CNTLN: variants seen among roughly 807,000 people sequenced by gnomAD.
The protein encoded by CNTLN is centlein.
A neutral mutation model predicts 180.0 loss-of-function variants in CNTLN; 212 were observed. The observed-to-expected ratio is 1.18, with a 90% confidence interval of 1.05 to 1.32. The LOEUF is 1.32. Ranked by LOEUF, CNTLN falls within the 40% of genes most tolerant of loss-of-function variation. The pLI, the probability that CNTLN is intolerant of heterozygous loss-of-function variation, is 0.00. For missense variants in CNTLN, 2,095 were observed against 1,610.9 expected (o/e 1.30, Z -5.14); for synonymous variants, 722 against 563.1 (o/e 1.28, Z -3.99).
At chr9:17,279,034 A>C (rs1828493698) in intron 6 of CNTLN, among the ~76,000 whole-genome samples, 1 of 147,494 alleles carries the variant, frequency 6.8e-6, no homozygotes, top group Non-Finnish European at 1.5e-5. Context: ...TATAAGGAAC[A>C]CTATCTTTCT....
intron 18 of CNTLN, among the ~76,000 whole-genome samples, chr9:17,426,918 A>G (rs1361753103): frequency 6.6e-6 from 1 of 152,178 alleles, no homozygotes; most frequent in Non-Finnish European, 1.5e-5. Flanking sequence ...CTACACTGAA[A>G]AATTCAGATT....
At chr9:17,290,155 C>G (rs964987340) in intron 6 of CNTLN, among the ~76,000 whole-genome samples, 2 of 152,042 alleles carry the variant, frequency 1.3e-5, no homozygotes, top group East Asian at 1.9e-4. Context: ...TACTTTTGGT[C>G]TTTGATGATG....
intron 2 of CNTLN, among the ~76,000 whole-genome samples, chr9:17,143,821 T>C (rs1488849919): frequency 6.6e-6 from 1 of 152,192 alleles, no homozygotes; most frequent in African/African-American, 2.4e-5. Flanking sequence ...GTAAGTGTTC[T>C]GGAATAGGTT....
At chr9:17,328,930 C>T (rs12553068) in intron 8 of CNTLN, among the ~76,000 whole-genome samples, 43,520 of 151,306 alleles carry the variant, frequency 0.29, 6,626 homozygotes, top group South Asian at 0.52. Flanking sequence ...AAAATGAATC[C>T]ATTATTATAG....
chr9:17,367,731 A>G (rs1344414811), intron 13 of CNTLN, among the ~76,000 whole-genome samples: 5 of 152,138 alleles, frequency 3.3e-5, no homozygotes, highest in African/African-American at 9.7e-5. Context: ...TGACATTTCT[A>G]GACACATCCT....
At chr9:17,366,771 C>A in intron 13 of CNTLN, 54 bp downstream of exon 13, 1 of 994,492 alleles carries the variant, frequency 1.0e-6, no homozygotes, top group Non-Finnish European at 1.5e-6. Context: ...TTGTGTAATT[C>A]TTGATGTTTT....
chr9:17,445,723 TGAAATATGGCCTCGTGGGAAGGGAAA>T (rs1830371483), intron 18 of CNTLN, among the ~76,000 whole-genome samples: 1 of 152,068 alleles, frequency 6.6e-6, no homozygotes, highest in African/African-American at 2.4e-5. Context: ...TGTGATAGTC[TGAAATATGGCCTCGTGGGAAGGGAAA>T]GACCTGACCA....
the CNTLN span, among the ~76,000 whole-genome samples, chr9:17,511,790 T>G: frequency 6.6e-6 from 1 of 151,988 alleles, no homozygotes; most frequent in Non-Finnish European, 1.5e-5. Flanking sequence ...GGTGTTTAGG[T>G]TTGGTGCTCT....
chr9:17,298,608 G>A (rs1818121786), intron 7 of CNTLN: 8 of 1,069,648 alleles, frequency 7.5e-6, no homozygotes, highest in African/African-American at 1.7e-5. Context: ...TTATAAATTG[G>A]CATTCAGACA....
In CNTLN at chr9:17,419,281, A is replaced by G. The variant is rs556908406; in HGVS notation, c.3114+3092A>G. On this transcript the variant is annotated intron_variant, in intron 18 of 25. Coordinates refer to ENST00000380647, the MANE Select transcript of CNTLN (RefSeq NM_017738.4). ...TATCATTGTAAAATATTCTAAACCTATTTTGAAATGCGCTATAGCCCTATA... is the reference window on the plus strand; with the variant it reads ...TATCATTGTAAAATATTCTAAACCTGTTTTGAAATGCGCTATAGCCCTATA... 2.0e-5 allele frequency among the ~76,000 whole-genome samples: 3 copies of G among 152,172 alleles called. No individual in the cohort carries two copies. The South Asian group carries it at 6.2e-4, about 31-fold the overall frequency.
chr9:17,239,437 TTGA>T (rs922397876), intron 5 of CNTLN, among the ~76,000 whole-genome samples: 4 of 145,218 alleles, frequency 2.8e-5, no homozygotes, highest in African/African-American at 1.1e-4. Flanking sequence ...TTTTACTCTT[TTGA>T]TGGTGTTCTT....
At position 17,457,630 on chromosome 9, in the gene CNTLN, T is replaced by C. The variant is rs1831208877; in HGVS notation, c.3221T>C (p.Val1074Ala). 1.3e-6 allele frequency: 2 copies of C among 1,563,690 alleles called. No homozygotes were observed. Among genetic ancestry groups the C allele is most frequent in the Admixed American group, 1.8e-5 (1 of 56,244 alleles). Reference protein sequence around the residue: ...ITSLAEENSQVTFPRIQVTSL... With the variant: ...ITSLAEENSQATFPRIQVTSL... The stretch of plus-strand genomic sequence containing the variant: ...AGTTTGGCAGAAGAAAATTCCCAGG[T>C]AACATTTCCACGGATACAAGTTACA... Residue 1074 changes from valine (V) to alanine (A), a missense_variant, in exon 19 of 26, where the codon GTA (valine) becomes GCA (alanine). Coordinates refer to ENST00000380647, the MANE Select transcript of CNTLN (RefSeq NM_017738.4).
chr9:17,206,403 C>T (rs964761242), intron 2 of CNTLN, among the ~76,000 whole-genome samples: 3 of 152,088 alleles, frequency 2.0e-5, no homozygotes, highest in African/African-American at 7.2e-5. Context: ...GTTGCAAAAT[C>T]GGATGACATT....
intron 19 of CNTLN, 58 bp downstream of exon 19, chr9:17,457,773 A>G (rs887768312): frequency 2.8e-6 from 3 of 1,057,856 alleles, no homozygotes; most frequent in Non-Finnish European, 2.5e-6. Flanking sequence ...CCTGCAAGAC[A>G]TATTTATATG....
chr9:17,506,352 C>T (rs188156342), downstream of CNTLN, among the ~76,000 whole-genome samples: 1 of 152,212 alleles, frequency 6.6e-6, no homozygotes, highest in African/African-American at 2.4e-5. Flanking sequence ...AAATCACTGA[C>T]AAAGGATTCA....
At chr9:17,373,833 T>G (rs1171540794) in intron 13 of CNTLN, among the ~76,000 whole-genome samples, 1 of 152,132 alleles carries the variant, frequency 6.6e-6, no homozygotes, top group African/African-American at 2.4e-5. Flanking sequence ...ATAAACTAAT[T>G]GTTGACAGCG....
chr9:17,318,348 A>G (rs992247828), intron 8 of CNTLN, among the ~76,000 whole-genome samples: 8 of 152,224 alleles, frequency 5.3e-5, no homozygotes, highest in African/African-American at 1.7e-4. Flanking sequence ...TATTTTTAAA[A>G]GATCACTCTG....
At chr9:17,345,012 C>T (rs571228242) in intron 12 of CNTLN, among the ~76,000 whole-genome samples, 3 of 152,240 alleles carry the variant, frequency 2.0e-5, no homozygotes, top group African/African-American at 7.2e-5. Flanking sequence ...TGGCTTCTTT[C>T]CGCATAATGT....
intron 12 of CNTLN, among the ~76,000 whole-genome samples, chr9:17,358,145 A>T (rs1253214559): frequency 6.6e-6 from 1 of 152,096 alleles, no homozygotes; most frequent in Non-Finnish European, 1.5e-5. Context: ...TTTTAAAGGT[A>T]GTGAAACAGG....
Sources: allele counts gnomAD v4.1 joint callset (sites outside exome capture counted in the v4.1 genomes callset), GRCh38; gene constraint gnomAD v4.1.1; transcripts MANE v1.5; gene names NCBI Gene and HGNC (gene_info 2026-07-23, HGNC 2026-07-21).